EYS: variants seen among roughly 807,000 people sequenced by gnomAD.
EYS encodes the protein EGF-like photoreceptor maintenance factor.
EYS carries 250 observed loss-of-function variants against 282.1 expected under a neutral mutation model. The observed-to-expected ratio is 0.89, with a 90% CI of 0.80 to 0.98. The LOEUF is 0.98. Ranked by LOEUF, EYS falls within the 50% of genes least tolerant of loss-of-function variation. The probability of loss-of-function intolerance (pLI) is 0.00; values close to 1 mark genes in which losing one functional copy is unlikely to be tolerated. For missense variants in EYS, 4,016 were observed against 3,709.0 expected (o/e 1.08, Z -2.15); for synonymous variants, 1,355 against 1,282.9 (o/e 1.06, Z -1.20).
chr6:64,129,581 G>T (rs941088621), intron 31 of EYS, among the ~76,000 whole-genome samples: 1 of 152,208 alleles, frequency 6.6e-6, no homozygotes, highest in African/African-American at 2.4e-5. Flanking sequence ...TCTGTAGGTT[G>T]CCTGTTCACT....
intron 12 of EYS, among the ~76,000 whole-genome samples, chr6:65,215,964 A>T (rs1230834149): frequency 6.6e-6 from 1 of 152,236 alleles, no homozygotes; most frequent in African/African-American, 2.4e-5. Flanking sequence ...TACTTTAAAC[A>T]TAACTTTATA....
intron 19 of EYS, among the ~76,000 whole-genome samples, chr6:64,860,721 T>C (rs1186160826): frequency 6.6e-6 from 1 of 152,194 alleles, no homozygotes; most frequent in Non-Finnish European, 1.5e-5. Flanking sequence ...GTTACAGCTC[T>C]TTCAGCTCTG....
At chr6:64,410,894 G>A (rs1773867123) in intron 28 of EYS, among the ~76,000 whole-genome samples, 1 of 152,084 alleles carries the variant, frequency 6.6e-6, no homozygotes, top group South Asian at 2.1e-4. Flanking sequence ...TAACATTTAT[G>A]CTGAGTGAAA....
chr6:64,757,342 T>G (rs941227621), intron 22 of EYS, among the ~76,000 whole-genome samples: 1 of 152,212 alleles, frequency 6.6e-6, no homozygotes, highest in Non-Finnish European at 1.5e-5. Flanking sequence ...AGACTTCTAT[T>G]ATAACTCTTA....
chr6:64,590,428 A>G lies in EYS; in HGVS notation c.5439T>C (p.Ile1813=), dbSNP rs1766366771. 1 of 1,551,200 alleles carries G rather than the reference A, an allele frequency of 6.4e-7. No individual in the cohort carries two copies. The highest frequency in any genetic ancestry group is 8.7e-7 in the Non-Finnish European group (1 of 1,146,718). Residue 1813 remains isoleucine, a synonymous_variant, in exon 26 of 43, where the codon ATT becomes ATC. Transcript: ENST00000503581. ...CTGTAAAATATGGCCAATCTGGCCT[A>G]ATTACAGACATGGAGGAAGACGTCT... The part of the protein sequence containing the change: ...SIQTSSSMSV[I]RPDWPYFTDY...
chr6:65,650,207 T>C (rs946993774), intron 1 of EYS, among the ~76,000 whole-genome samples: 2 of 152,200 alleles, frequency 1.3e-5, no homozygotes, highest in Non-Finnish European at 2.9e-5. Context: ...TGAGTATCTA[T>C]ACCATATAAT....
chr6:65,688,941 T>A (rs1252565168), intron 1 of EYS, among the ~76,000 whole-genome samples: 6 of 151,506 alleles, frequency 4.0e-5, no homozygotes, highest in Non-Finnish European at 5.9e-5. Context: ...GTAAACTAGT[T>A]CAACCATTGT....
At chr6:63,863,821 G>T (rs1011034308) in intron 36 of EYS, among the ~76,000 whole-genome samples, 1 of 151,586 alleles carries the variant, frequency 6.6e-6, no homozygotes, top group Non-Finnish European at 1.5e-5. Flanking sequence ...GATTATAGGC[G>T]CATGCCACCA....
intron 31 of EYS, among the ~76,000 whole-genome samples, chr6:64,116,364 T>C (rs1773385583): frequency 6.6e-6 from 1 of 152,134 alleles, no homozygotes; most frequent in Non-Finnish European, 1.5e-5. Context: ...TTTAAAATAC[T>C]GAAAGAAAAA....
At chr6:64,754,886 C>T (rs1772882463) in intron 22 of EYS, among the ~76,000 whole-genome samples, 1 of 152,080 alleles carries the variant, frequency 6.6e-6, no homozygotes, top group Non-Finnish European at 1.5e-5. Flanking sequence ...TGGAGCAAGA[C>T]AAGGATTCCC....
intron 13 of EYS, among the ~76,000 whole-genome samples, chr6:65,014,243 G>A (rs1390157704): frequency 6.6e-6 from 1 of 152,202 alleles, no homozygotes; most frequent in Non-Finnish European, 1.5e-5. Flanking sequence ...AGAAACGTGA[G>A]CCTTAGATTA....
intron 26 of EYS, among the ~76,000 whole-genome samples, chr6:64,527,051 T>A (rs1777944536): frequency 6.6e-6 from 1 of 151,724 alleles, no homozygotes; most frequent in Non-Finnish European, 1.5e-5. Context: ...AGAAAAAAAA[T>A]TCTTAAAACA....
intron 22 of EYS, among the ~76,000 whole-genome samples, chr6:64,783,738 C>T (rs1402258744): frequency 6.6e-6 from 1 of 152,074 alleles, no homozygotes. Context: ...AAGCTTTTAT[C>T]TTTCATTTGA....
At chr6:65,535,908 A>G (rs560089406) in intron 2 of EYS, among the ~76,000 whole-genome samples, 13 of 152,276 alleles carry the variant, frequency 8.5e-5, no homozygotes, top group South Asian at 2.1e-4. Context: ...AAAATCAACC[A>G]TCACAGTAAT....
intron 36 of EYS, among the ~76,000 whole-genome samples, chr6:63,858,339 C>T (rs150419486): frequency 1.3e-5 from 2 of 152,268 alleles, no homozygotes; most frequent in East Asian, 1.9e-4. Context: ...GGATTACAGG[C>T]GTGAGCCACC....
intron 5 of EYS, among the ~76,000 whole-genome samples, chr6:65,472,379 T>C (rs1356714968): frequency 6.6e-6 from 1 of 151,724 alleles, no homozygotes; most frequent in Non-Finnish European, 1.5e-5. Context: ...TTATAATTAT[T>C]TTGCAAATTA....
intron 7 of EYS, among the ~76,000 whole-genome samples, chr6:65,393,222 A>G (rs142358055): frequency 0.2 from 30,682 of 151,992 alleles, 3,890 homozygotes; most frequent in Non-Finnish European, 0.27. Flanking sequence ...ACCTAATGCT[A>G]GATGATGAGT....
At chr6:65,047,241 A>C (rs372280806) in intron 13 of EYS, among the ~76,000 whole-genome samples, 17 of 151,848 alleles carry the variant, frequency 1.1e-4, no homozygotes, top group East Asian at 9.7e-4. Flanking sequence ...TCCAGAGAAC[A>C]TGGATTTCAT....
At chr6:64,044,441 T>G (rs1373672448) in intron 33 of EYS, among the ~76,000 whole-genome samples, 1 of 152,168 alleles carries the variant, frequency 6.6e-6, no homozygotes, top group Non-Finnish European at 1.5e-5. Context: ...AAAATCAAAA[T>G]GGCAAAGAGC....
Sources: allele counts gnomAD v4.1 joint callset (sites outside exome capture counted in the v4.1 genomes callset), GRCh38; gene constraint gnomAD v4.1.1; transcripts MANE v1.5; gene names NCBI Gene and HGNC (gene_info 2026-07-23, HGNC 2026-07-21).